The following TSC2 variants were observed in gnomAD, a reference collection of about 807,000 sequenced individuals.
The protein encoded by TSC2 is tuberin.
A neutral mutation model predicts 202.2 loss-of-function variants in TSC2; 29 were observed. The ratio of observed to expected loss-of-function variants is 0.14; its 90% confidence interval spans 0.11 to 0.20. TSC2 has a LOEUF of 0.20. TSC2 is among the 10% of genes least tolerant of loss of function. The probability of loss-of-function intolerance (pLI) is 1.00; values close to 1 mark genes in which losing one functional copy is unlikely to be tolerated. For synonymous variants in TSC2, 1,349 were observed against 1,044.0 expected, an observed-to-expected ratio of 1.29 and a Z score of -5.63; for missense variants, 2,429 against 2,420.0, an observed-to-expected ratio of 1.00 and a Z score of -0.08.
intron 33 of TSC2, 110 bp from the exon 34 acceptor site, chr16:2,084,118 C>G (rs1308610502): frequency 1.3e-6 from 2 of 1,535,012 alleles, no homozygotes; most frequent in African/African-American, 1.4e-5. Context: ...TCGGGCTGGT[C>G]TGTGGCCCTG....
chr16:2,069,262 A>G (rs985357583), intron 16 of TSC2, among the ~76,000 whole-genome samples: 3 of 152,186 alleles, frequency 2.0e-5, no homozygotes, highest in African/African-American at 7.2e-5. Context: ...TGTCCGAGGA[A>G]GGGATGTTGC....
chr16:2,080,050 C>A, intron 29 of TSC2, 115 bp from the exon 30 acceptor site: 1 of 1,404,916 alleles, frequency 7.1e-7, no homozygotes, highest in South Asian at 1.2e-5. Context: ...GAGCTGCCAC[C>A]GTCTCTGGCT....
chr16:2,059,411 C>T (rs1260874161), intron 10 of TSC2, among the ~76,000 whole-genome samples: 3 of 136,096 alleles, frequency 2.2e-5, no homozygotes, highest in African/African-American at 5.6e-5. Flanking sequence ...GGTGCGATCT[C>T]GGCTCACTGC....
At chr16:2,048,400 C>T in intron 1 of TSC2, 187 bp from the exon 2 acceptor site, 2 of 864,816 alleles carry the variant, frequency 2.3e-6, no homozygotes, top group Non-Finnish European at 3.8e-6. Flanking sequence ...GGCCTGGTGT[C>T]TCCCGGGCTT....
At chr16:2,072,643 C>T in intron 20 of TSC2, 1 of 850,490 alleles carries the variant, frequency 1.2e-6, no homozygotes, top group Non-Finnish European at 1.8e-6. Flanking sequence ...GGCTCCCGTG[C>T]CGTTCACCTC....
rs1024064995 is a variant in TSC2, at chr16:2,077,350, G to T, written c.2838-248G>T. On this transcript the variant is annotated intron_variant, in intron 25 of 41. Transcript: ENST00000219476. ...ATTTGCACTGACGTTGTTTGTTTTGGTGTCATGCGTGAAGCCTTACTTGTT... is the reference window on the plus strand; with the variant it reads ...ATTTGCACTGACGTTGTTTGTTTTGTTGTCATGCGTGAAGCCTTACTTGTT... 120 of 571,402 alleles carry T rather than the reference G, an allele frequency of 2.1e-4. No homozygotes were observed. In the African/African-American group the frequency reaches 2.1e-3, roughly 10 times the overall value. 35.4% of individuals were successfully genotyped at this position (571,402 alleles called of 1,614,324 possible). A position where few individuals can be genotyped will look rare whatever the true frequency, so the allele number is the denominator to read the frequency against.
chr16:2,083,082 C>G (rs1019283999), intron 32 of TSC2: 58 of 454,962 alleles, frequency 1.3e-4, no homozygotes, highest in African/African-American at 9.6e-4. Flanking sequence ...CCTGGGGTGG[C>G]TGACTGCGCG....
In TSC2 at chr16:2,088,825, G is replaced by A; in HGVS notation, c.*215G>A. Reference sequence around the variant, plus strand: ...TGGTACACAGAAGCAGGCACAGCCAGCTCCGAGGGCCTTGAGGCTGCCTGG... The same window carrying A: ...TGGTACACAGAAGCAGGCACAGCCAACTCCGAGGGCCTTGAGGCTGCCTGG... On this transcript the variant is annotated 3_prime_UTR_variant, in exon 42 of 42. Coordinates refer to ENST00000219476, the MANE Select transcript of TSC2 (RefSeq NM_000548.5). 1 of 644,092 alleles carries A rather than the reference G, an allele frequency of 1.6e-6. No homozygotes were observed. Among genetic ancestry groups the A allele is most frequent in the East Asian group, 2.8e-5 (1 of 35,522 alleles). 39.9% of individuals were successfully genotyped at this position (644,092 alleles called of 1,614,324 possible).
chr16:2,080,674 TG>T (rs1485507206), intron 30 of TSC2: 4 of 401,278 alleles, frequency 1.0e-5, no homozygotes, highest in Non-Finnish European at 1.9e-5. Context: ...CTAGTAGAGA[TG>T]GGGTTTCACT....
chr16:2,054,138 C>A, intron 4 of TSC2, 158 bp from the exon 5 acceptor site: 1 of 1,195,308 alleles, frequency 8.4e-7, no homozygotes, highest in Non-Finnish European at 1.2e-6. Context: ...CTGCCCTGTA[C>A]AATGCTGATG....
At chr16:2,085,721 G>A (rs2090692048) in intron 36 of TSC2, among the ~76,000 whole-genome samples, 1 of 152,208 alleles carries the variant, frequency 6.6e-6, no homozygotes, top group Non-Finnish European at 1.5e-5. Flanking sequence ...ACTGGTGCTG[G>A]GCGAGCACGG....
At position 2,074,242 on chromosome 16, in the gene TSC2, T is replaced by A. The variant is rs776930735; in HGVS notation, c.2398T>A (p.Cys800Ser). Reference protein sequence around the residue: ...YCLEQGLIHRCASQCVVALSI... With the variant: ...YCLEQGLIHRSASQCVVALSI... Reference sequence around the variant, plus strand: ...CCTGGAGCAGGGCCTCATCCACCGCTGTGCCAGCCAGTGCGTCGTGGCCTT... The same window carrying A: ...CCTGGAGCAGGGCCTCATCCACCGCAGTGCCAGCCAGTGCGTCGTGGCCTT... The change falls in exon 22 of 42, where the codon TGT (cysteine) becomes AGT (serine). Residue 800 changes from cysteine (C) to serine (S), a missense_variant. Physicochemically the swap from Cys to Ser is moderately radical, Grantham distance 112. Transcript: ENST00000219476. 6.2e-7 allele frequency: 1 copy of A among 1,612,526 alleles called. No individual in the cohort carries two copies. The highest frequency in any genetic ancestry group is 8.5e-7 in the Non-Finnish European group (1 of 1,180,008).
chr16:2,065,682 G>T lies in TSC2; in HGVS notation c.1716+47G>T, dbSNP rs200929189. 5.6e-5 allele frequency: 84 copies of T among 1,498,170 alleles called. No homozygotes were observed. In the East Asian group the frequency reaches 9.3e-4, roughly 17 times the overall value. The allele number at this position is 1,498,170 out of a possible 1,614,324, so 92.8% of individuals were successfully genotyped here. A position where few individuals can be genotyped will look rare whatever the true frequency, so the allele number is the denominator to read the frequency against. On this transcript the variant is annotated intron_variant, in intron 16 of 41. Coordinates refer to ENST00000219476, the MANE Select transcript of TSC2 (RefSeq NM_000548.5). ...TCTGCTCCCGGGGCGCGCATGGCTA[G>T]CGTCCACCAGCTGCATCTGCGTTGT... is the stretch of plus-strand genomic sequence containing the variant.
intron 5 of TSC2, 99 bp from the exon 6 acceptor site, chr16:2,055,303 C>T (rs1178979787): frequency 6.5e-6 from 6 of 916,748 alleles, no homozygotes; most frequent in Non-Finnish European, 1.1e-5. Context: ...GGGTTTCTGG[C>T]AGTGACGGGT....
intron 36 of TSC2, among the ~76,000 whole-genome samples, chr16:2,085,723 C>T (rs1053200527): frequency 2.0e-5 from 3 of 152,188 alleles, no homozygotes; most frequent in South Asian, 2.1e-4. Context: ...TGGTGCTGGG[C>T]GAGCACGGGA....
chr16:2,056,865 G>A (rs2151084156), intron 8 of TSC2, 96 bp downstream of exon 8: 2 of 1,579,756 alleles, frequency 1.3e-6, no homozygotes, highest in Non-Finnish European at 8.6e-7. Context: ...GATTCTTGGG[G>A]TGGCCAGACA....
rs746160626 is a variant in TSC2, at chr16:2,088,273, A to G, written c.5207A>G (p.Tyr1736Cys). The stretch of plus-strand genomic sequence containing the variant: ...AGCCGCTCCAACCCCACCGATATCT[A>G]CCCCTCCAAGTGGATTGCCCGGCTC... ...HHSRSNPTDI[Y>C]PSKWIARLRH... Residue 1736 changes from tyrosine (Y) to cysteine (C), a missense_variant, in exon 41 of 42, where the codon TAC becomes TGC. Physicochemically the swap from Tyr to Cys is radical, Grantham distance 194. Coordinates refer to ENST00000219476, the MANE Select transcript of TSC2 (RefSeq NM_000548.5). 1 of 1,612,770 alleles carries G rather than the reference A, an allele frequency of 6.2e-7. No individual in the cohort carries two copies. The highest frequency in any genetic ancestry group is 1.1e-5 in the South Asian group (1 of 91,074).
At chr16:2,083,628 G>C (rs755298468) in intron 32 of TSC2, 67 bp from the exon 33 acceptor site, 4 of 1,548,358 alleles carry the variant, frequency 2.6e-6, no homozygotes, top group South Asian at 1.2e-5. Flanking sequence ...GCTGGTTCTC[G>C]GAGGCCACGT....
intron 26 of TSC2, chr16:2,078,166 T>TG: frequency 4.3e-6 from 1 of 232,554 alleles, no homozygotes; most frequent in Non-Finnish European, 8.6e-6. Context: ...TGGGGCAGCC[T>TG]GGGAGGGCCT....
Sources: gnomAD v4.1 joint callset for allele counts (sites outside exome capture counted in the v4.1 genomes callset) on GRCh38, gnomAD v4.1.1 for gene constraint, MANE v1.5 for transcripts, NCBI Gene and HGNC (gene_info 2026-07-23, HGNC 2026-07-21) for gene names.